TULP3: variants seen among roughly 807,000 people sequenced by gnomAD.
TULP3 encodes tubby-related protein 3.
In TULP3, 38 loss-of-function variants were observed where a neutral mutation model predicts 50.7. The ratio of observed to expected loss-of-function variants is 0.75; its 90% CI spans 0.58 to 0.98. The LOEUF is 0.98. Among genes scored for constraint, TULP3 ranks in the 50% least tolerant of loss-of-function variants. TULP3 has a pLI of 0.00. For synonymous variants in TULP3, 183 were observed against 196.6 expected (o/e 0.93, Z 0.58); for missense variants, 550 against 568.0 (o/e 0.97, Z 0.32).
At chr12:2,903,682 T>TA (rs1200794661) in intron 1 of TULP3, among the ~76,000 whole-genome samples, 8 of 152,222 alleles carry the variant, frequency 5.3e-5, no homozygotes, top group Non-Finnish European at 1.2e-4. Flanking sequence ...TACCTGATTT[T>TA]AAAAAATCTT....
chr12:2,915,211 A>G (rs2098187934), intron 2 of TULP3, among the ~76,000 whole-genome samples: 1 of 151,944 alleles, frequency 6.6e-6, no homozygotes, highest in Non-Finnish European at 1.5e-5. Context: ...GCTGGTTTCA[A>G]ACTCCTGGCC....
chr12:2,910,109 G>T (rs571498394), intron 2 of TULP3, among the ~76,000 whole-genome samples: 2 of 152,090 alleles, frequency 1.3e-5, no homozygotes, highest in Non-Finnish European at 2.9e-5. Context: ...TGACTAACAC[G>T]GTGAAACCCA....
Position 2,938,165 on chromosome 12 carries a change from G to T in TULP3, c.1075G>T (p.Val359Phe), listed in dbSNP as rs2098202595. The T allele has an allele frequency of 2.5e-6, 4 of 1,614,078 alleles. No individual in the cohort carries two copies. The highest frequency in any genetic ancestry group is 1.7e-5 in the Admixed American group (1 of 59,990). The change falls in exon 10 of 11, where the codon GTT (valine) becomes TTT (phenylalanine). Residue 359 changes from valine to phenylalanine, a missense_variant. Transcript: ENST00000448120. The part of the protein sequence containing the change: ...RWQNRTMENL[V>F]ELHNKAPVWN... ...GCAGAACAGAACTATGGAAAATCTGGTTGAGCTGCACAACAAGGCCCCCGT... is the reference window on the plus strand; with the variant it reads ...GCAGAACAGAACTATGGAAAATCTGTTTGAGCTGCACAACAAGGCCCCCGT...
In TULP3 at chr12:2,934,575, T is replaced by C; in HGVS notation, c.924+14T>C. 1.3e-6 allele frequency: 2 copies of C among 1,540,380 alleles called. No homozygotes were observed. The highest frequency in any genetic ancestry group is 8.8e-7 in the Non-Finnish European group (1 of 1,141,014). On this transcript the variant is annotated intron_variant, in intron 8 of 10. Coordinates refer to ENST00000448120, the MANE Select transcript of TULP3 (RefSeq NM_003324.5). ...GCCATCTCCTATGTGAGTGCTGCTT[T>C]CCCAGGGCCGCTGCCTGCCCTCCTG... is the stretch of plus-strand genomic sequence containing the variant.
chr12:2,940,605 A>G lies in TULP3; in HGVS notation c.*1161A>G, dbSNP rs1392418495. On this transcript the variant is annotated 3_prime_UTR_variant, in exon 11 of 11. Coordinates refer to ENST00000448120, the MANE Select transcript of TULP3 (RefSeq NM_003324.5). ...CACCATTCAGCTGCATCCCTTGTGC[A>G]CAGAACTGTTTGCCAGCGTTGGGTG... 2.6e-6 allele frequency: 4 copies of G among 1,551,744 alleles called. No homozygotes were observed. Among genetic ancestry groups the G allele is most frequent in the East Asian group, 2.4e-5 (1 of 40,928 alleles).
At chr12:2,920,997 C>G in intron 3 of TULP3, 75 bp downstream of exon 3, 1 of 1,556,980 alleles carries the variant, frequency 6.4e-7, no homozygotes, top group East Asian at 2.3e-5. Flanking sequence ...GATTGTCAGA[C>G]GGACCAAAGG....
intron 9 of TULP3, 27 bp from the exon 10 acceptor site, chr12:2,938,087 C>A: frequency 6.2e-7 from 1 of 1,613,520 alleles, no homozygotes. Flanking sequence ...GTTCTCAGTA[C>A]AAAGTAATGA....
At chr12:2,937,433 T>G (rs1311385213) in intron 8 of TULP3, among the ~76,000 whole-genome samples, 198 bp from the exon 9 acceptor site, 1 of 151,660 alleles carries the variant, frequency 6.6e-6, no homozygotes, top group African/African-American at 2.4e-5. Context: ...GCCAGGCTGG[T>G]CTCAAACTCC....
intron 4 of TULP3, among the ~76,000 whole-genome samples, chr12:2,922,961 C>T (rs1275565178): frequency 6.6e-6 from 1 of 151,640 alleles, no homozygotes; most frequent in Non-Finnish European, 1.5e-5. Context: ...TCACGCCATT[C>T]TCCTGCCTCA....
chr12:2,940,414 T>C lies in TULP3; in HGVS notation c.*970T>C. On this transcript the variant is annotated 3_prime_UTR_variant, in exon 11 of 11. Transcript: ENST00000448120. ...TGGCCCGTGTGGCAGAGCTGTGGAC[T>C]TTCTTCTCGGCTCCCTCAACCCTGG... is the stretch of plus-strand genomic sequence containing the variant. The C allele has an allele frequency of 3.4e-5, 50 of 1,462,722 alleles. No individual in the cohort carries two copies. The highest frequency in any genetic ancestry group is 4.2e-5 in the Non-Finnish European group (47 of 1,109,838). 90.6% of individuals were successfully genotyped at this position (1,462,722 alleles called of 1,614,324 possible).
chr12:2,906,963 C>G (rs1229360974), intron 1 of TULP3, among the ~76,000 whole-genome samples: 3 of 152,016 alleles, frequency 2.0e-5, no homozygotes, highest in African/African-American at 7.2e-5. Context: ...AATGAAACTA[C>G]TAGTCCATAA....
At position 2,920,718 on chromosome 12, in the gene TULP3, A is replaced by G. The variant is rs761573646; in HGVS notation, c.94-45A>G. 1.2e-5 allele frequency: 19 copies of G among 1,607,026 alleles called. No homozygotes were observed. In the Admixed American group the frequency reaches 3.0e-4, roughly 26 times the overall value. ...TGGGCATGTTGGAAATGGTTAGGTC[A>G]TGTCAAAACTCTCCTTGCTGGCTGT... On this transcript the variant is annotated intron_variant, in intron 2 of 10. Coordinates refer to ENST00000448120, the MANE Select transcript of TULP3 (RefSeq NM_003324.5).
intron 4 of TULP3, among the ~76,000 whole-genome samples, chr12:2,922,998 C>T (rs910024636): frequency 7.9e-5 from 12 of 151,986 alleles, no homozygotes; most frequent in African/African-American, 1.2e-4. Flanking sequence ...GGACTACAGG[C>T]GCCCGCCACC....
intron 2 of TULP3, 69 bp from the exon 3 acceptor site, chr12:2,920,694 G>T: frequency 1.9e-6 from 3 of 1,559,794 alleles, no homozygotes; most frequent in Admixed American, 1.9e-5. Flanking sequence ...AAAACAAACT[G>T]GGCATGTTGG....
At chr12:2,912,410 T>A (rs2098186199) in intron 2 of TULP3, among the ~76,000 whole-genome samples, 1 of 152,188 alleles carries the variant, frequency 6.6e-6, no homozygotes, top group African/African-American at 2.4e-5. Context: ...TAGGCCAGCC[T>A]GCCCAAGGGA....
intron 1 of TULP3, among the ~76,000 whole-genome samples, chr12:2,897,119 C>T (rs947878456): frequency 6.6e-6 from 1 of 152,108 alleles, no homozygotes; most frequent in Non-Finnish European, 1.5e-5. Flanking sequence ...AGCAGTTCTC[C>T]CTGCCTCAGC....
chr12:2,934,460 G>A lies in TULP3; in HGVS notation c.823G>A (p.Gly275Arg). 6.3e-7 allele frequency: 1 copy of A among 1,587,640 alleles called. No homozygotes were observed. The highest frequency in any genetic ancestry group is 8.6e-7 in the Non-Finnish European group (1 of 1,167,872). Residue 275 changes from glycine to arginine, a missense_variant, in exon 8 of 11, where the codon GGG (glycine) becomes AGG (arginine). Gly to Arg is a moderately radical substitution (Grantham distance 125). Transcript: ENST00000448120. ...YVGKLRSNLM[G>R]TKFTVYDRGI... is the part of the protein sequence containing the mutation. Reference sequence around the variant, plus strand: ...TCCTGACTCCAGATCCAACCTCATGGGGACCAAGTTTACAGTTTATGACCG... The same window carrying A: ...TCCTGACTCCAGATCCAACCTCATGAGGACCAAGTTTACAGTTTATGACCG...
At chr12:2,923,386 G>A (rs2098192872) in intron 4 of TULP3, among the ~76,000 whole-genome samples, 2 of 152,104 alleles carry the variant, frequency 1.3e-5, no homozygotes, top group South Asian at 4.1e-4. Flanking sequence ...CAGGCTTAGT[G>A]GCTCACGCCT....
At chr12:2,929,370 C>T (rs910477049) in intron 4 of TULP3, among the ~76,000 whole-genome samples, 3 of 152,142 alleles carry the variant, frequency 2.0e-5, no homozygotes, top group Non-Finnish European at 4.4e-5. Flanking sequence ...GGTGCAGTGG[C>T]ACAAGCATAG....
Sources: allele counts gnomAD v4.1 joint callset (sites outside exome capture counted in the v4.1 genomes callset), GRCh38; gene constraint gnomAD v4.1.1; transcripts MANE v1.5; gene names NCBI Gene and HGNC (gene_info 2026-07-23, HGNC 2026-07-21).